CDH13: variants seen among roughly 807,000 people sequenced by gnomAD.
CDH13 encodes cadherin-13.
CDH13 carries 24 observed loss-of-function variants against 63.8 expected under a neutral mutation model. That is an observed-to-expected ratio of 0.38 (90% CI 0.27 to 0.53). CDH13 has a LOEUF of 0.53. Ranked by LOEUF, CDH13 falls within the 20% of genes least tolerant of loss-of-function variation. CDH13 has a pLI of 0.85. For missense variants in CDH13, 1,049 were observed against 903.1 expected (o/e 1.16, Z -2.07); for synonymous variants, 503 against 355.3 (o/e 1.42, Z -4.67).
intron 6 of CDH13, among the ~76,000 whole-genome samples, chr16:83,447,998 C>G (rs2072762363): frequency 6.6e-6 from 1 of 152,100 alleles, no homozygotes; most frequent in African/African-American, 2.4e-5. Flanking sequence ...GCCCCTTTGA[C>G]TCCCAATAGG....
At chr16:83,694,331 C>T (rs1905175276) in intron 10 of CDH13, among the ~76,000 whole-genome samples, 1 of 152,178 alleles carries the variant, frequency 6.6e-6, no homozygotes, top group African/African-American at 2.4e-5. Context: ...ACTCCTGCTG[C>T]AGTGGGAGAG....
intron 6 of CDH13, among the ~76,000 whole-genome samples, chr16:83,416,941 CATGTTAAGT>C (rs1284684994): frequency 7.9e-5 from 12 of 152,140 alleles, no homozygotes; most frequent in African/African-American, 2.7e-4. Context: ...GTGCCCGGCA[CATGTTAAGT>C]ACTGTTTAGC....
chr16:82,927,277 A>G (rs1338491133), intron 2 of CDH13, among the ~76,000 whole-genome samples: 1 of 152,180 alleles, frequency 6.6e-6, no homozygotes, highest in Non-Finnish European at 1.5e-5. Flanking sequence ...CCTGAGGTCA[A>G]GGAGACAGAA....
At chr16:82,720,052 A>G (rs2032664827) in intron 1 of CDH13, among the ~76,000 whole-genome samples, 1 of 152,168 alleles carries the variant, frequency 6.6e-6, no homozygotes, top group South Asian at 2.1e-4. Context: ...TAAAGACCCA[A>G]AACACTTCTA....
chr16:83,542,480 C>T (rs1240180735), intron 7 of CDH13, among the ~76,000 whole-genome samples: 1 of 152,208 alleles, frequency 6.6e-6, no homozygotes, highest in African/African-American at 2.4e-5. Flanking sequence ...GCATTTCTCC[C>T]AACTTCCCAG....
intron 1 of CDH13, among the ~76,000 whole-genome samples, chr16:82,803,728 G>A (rs2036990976): frequency 6.6e-6 from 1 of 152,232 alleles, no homozygotes; most frequent in South Asian, 2.1e-4. Context: ...AGTCACAGAA[G>A]GACAGAAACT....
intron 7 of CDH13, among the ~76,000 whole-genome samples, chr16:83,534,175 G>C (rs2075139330): frequency 2.0e-5 from 3 of 152,022 alleles, no homozygotes; most frequent in African/African-American, 7.2e-5. Flanking sequence ...TGTCTTTAAG[G>C]ATTTACCTAT....
intron 10 of CDH13, among the ~76,000 whole-genome samples, chr16:83,695,296 T>A (rs1905266971): frequency 6.6e-6 from 1 of 152,248 alleles, no homozygotes; most frequent in Non-Finnish European, 1.5e-5. Flanking sequence ...TCATTTTGTG[T>A]CCAGCTCACA....
At chr16:83,252,904 CCT>C (rs1905755745) in intron 5 of CDH13, among the ~76,000 whole-genome samples, 1 of 152,128 alleles carries the variant, frequency 6.6e-6, no homozygotes, top group Non-Finnish European at 1.5e-5. Flanking sequence ...GTTTTCAAAT[CCT>C]ACCTGTGTCC....
chr16:83,234,637 C>A (rs561367204), intron 5 of CDH13, among the ~76,000 whole-genome samples: 1 of 152,238 alleles, frequency 6.6e-6, no homozygotes, highest in East Asian at 1.9e-4. Context: ...GTTAAGTCTC[C>A]CCTGCCATGC....
intron 1 of CDH13, among the ~76,000 whole-genome samples, chr16:82,795,156 G>A (rs1041161608): frequency 6.6e-6 from 1 of 152,208 alleles, no homozygotes; most frequent in South Asian, 2.1e-4. Flanking sequence ...GGCTAATCCA[G>A]GTGTTGGCAT....
At chr16:82,699,598 G>C (rs778982911) in intron 1 of CDH13, among the ~76,000 whole-genome samples, 1 of 152,158 alleles carries the variant, frequency 6.6e-6, no homozygotes, top group African/African-American at 2.4e-5. Flanking sequence ...GTATTTAAGA[G>C]AATGTGCATA....
chr16:83,017,508 T>G (rs182437916), intron 2 of CDH13, among the ~76,000 whole-genome samples: 2 of 152,348 alleles, frequency 1.3e-5, no homozygotes, highest in South Asian at 2.1e-4. Flanking sequence ...TACTTACAGA[T>G]GTGTGACCTT....
intron 2 of CDH13, among the ~76,000 whole-genome samples, chr16:82,871,159 G>A (rs948079174): frequency 1.3e-5 from 2 of 152,218 alleles, no homozygotes; most frequent in Admixed American, 1.3e-4. Context: ...GTGCTAAGGG[G>A]TGAGAGGACA....
At chr16:83,494,894 A>G (rs1171164159) in intron 7 of CDH13, among the ~76,000 whole-genome samples, 1 of 152,220 alleles carries the variant, frequency 6.6e-6, no homozygotes, top group Non-Finnish European at 1.5e-5. Flanking sequence ...GCCGTGATCA[A>G]CCTTATTGGA....
At chr16:82,849,952 T>G (rs941009893) in intron 1 of CDH13, among the ~76,000 whole-genome samples, 1 of 152,244 alleles carries the variant, frequency 6.6e-6, no homozygotes, top group Non-Finnish European at 1.5e-5. Context: ...AATCTTACTG[T>G]TCATTGACAA....
chr16:82,747,191 G>T (rs1335449283), intron 1 of CDH13, among the ~76,000 whole-genome samples: 1 of 152,120 alleles, frequency 6.6e-6, no homozygotes, highest in Non-Finnish European at 1.5e-5. Context: ...ATTTTATGAT[G>T]GAGAAAAAAC....
chr16:82,647,284 A>G (rs921552395), intron 1 of CDH13, among the ~76,000 whole-genome samples: 4 of 152,220 alleles, frequency 2.6e-5, no homozygotes, highest in African/African-American at 9.6e-5. Flanking sequence ...GTTTACGTAC[A>G]TGAGGAAATG....
intron 10 of CDH13, among the ~76,000 whole-genome samples, chr16:83,732,940 AG>A (rs1911180837): frequency 6.6e-6 from 1 of 152,222 alleles, no homozygotes; most frequent in Non-Finnish European, 1.5e-5. Flanking sequence ...GCCAGACATG[AG>A]GCCACTCACT....
Sources: allele counts gnomAD v4.1 joint callset (sites outside exome capture counted in the v4.1 genomes callset), GRCh38; gene constraint gnomAD v4.1.1; transcripts MANE v1.5; gene names NCBI Gene and HGNC (gene_info 2026-07-23, HGNC 2026-07-21).